RNF183: variants seen among roughly 807,000 people sequenced by gnomAD.
RNF183 encodes E3 ubiquitin-protein ligase RNF183.
A neutral mutation model predicts 9.0 loss-of-function variants in RNF183; 4 were observed. The observed-to-expected ratio is 0.44, with a 90% CI of 0.22 to 1.01. The LOEUF (loss-of-function observed/expected upper bound fraction) is 1.01. Among genes scored for constraint, RNF183 ranks in the 50% least tolerant of loss-of-function variants. The pLI is 0.25. For missense variants in RNF183, 227 were observed against 253.6 expected, an observed-to-expected ratio of 0.89 and a Z score of 0.71; for synonymous variants, 102 against 107.5, an observed-to-expected ratio of 0.95 and a Z score of 0.32.
rs1233712941 is a variant in RNF183 at position 113,298,013 on chromosome 9, G to A, written c.172C>T (p.Leu58Phe). 1.2e-6 allele frequency: 2 copies of A among 1,614,076 alleles called. No homozygotes were observed. The highest frequency in any genetic ancestry group is 2.2e-5 in the East Asian group (1 of 44,862). Residue 58 changes from leucine (L) to phenylalanine (F), a missense_variant, in exon 5 of 5, where the codon CTC becomes TTC. Physicochemically the swap from Leu to Phe is conservative, Grantham distance 22 (BLOSUM62 0). Transcript: ENST00000489339. The surrounding 1 kb of genome is among the most constrained non-coding windows in gnomAD (Gnocchi z 4.9). Reference sequence around the variant, plus strand: ...GCCAGCACTGTGGGCTGGCGACAGAGTGGGCACAGCAGGCGGCGCCGGGCT... The same window carrying A: ...GCCAGCACTGTGGGCTGGCGACAGAATGGGCACAGCAGGCGGCGCCGGGCT... ...TPARRRLLCPLCRQPTVLASG... is the reference protein window; with the variant it reads ...TPARRRLLCPFCRQPTVLASG...
intron 3 of RNF183, 67 bp from the exon 4 acceptor site, chr9:113,299,842 A>G (rs374215738): frequency 3.2e-4 from 48 of 152,368 alleles, no homozygotes; most frequent in African/African-American, 1.1e-3. Context: ...GATGAGAGAC[A>G]AGAAGTGACT....
intron 1 of RNF183, 89 bp downstream of exon 1, chr9:113,302,967 G>C (rs913516141): frequency 6.6e-6 from 1 of 152,294 alleles, no homozygotes; most frequent in Non-Finnish European, 1.5e-5. Context: ...CCAGGCCAGA[G>C]TTCACCTGTC....
Position 113,298,008 on chromosome 9 carries a change from A to G in RNF183, c.177T>C (p.Cys59=), listed in dbSNP as rs185398156. ...PARRRLLCPL[C]RQPTVLASGQ... ...CTGAGGCCAGCACTGTGGGCTGGCG[A>G]CAGAGTGGGCACAGCAGGCGGCGCC... Residue 59 remains cysteine, a synonymous_variant, in exon 5 of 5, where the codon TGT becomes TGC. Transcript: ENST00000489339. The surrounding 1 kb of genome is among the most constrained non-coding windows in gnomAD (Gnocchi z 4.9). The G allele has an allele frequency of 7.8e-5, 126 of 1,613,952 alleles. No homozygotes were observed. The East Asian group carries it at 2.6e-3, about 33-fold the overall frequency.
Position 113,297,518 on chromosome 9 carries a change from C to A in RNF183, c.*88G>T. On this transcript the variant is annotated 3_prime_UTR_variant, in exon 5 of 5. Transcript: ENST00000489339. ...CTGGATTGTAAAATAAACAACACTA[C>A]AAAGGAAGACAATACCAAATGAGGC... 1.2e-6 allele frequency: 1 copy of A among 845,592 alleles called. No homozygotes were observed. The highest frequency in any genetic ancestry group is 1.9e-6 in the Non-Finnish European group (1 of 534,126). 52.4% of individuals were successfully genotyped at this position (845,592 alleles called of 1,614,324 possible).
In RNF183 at chr9:113,301,687, G is replaced by T. The variant is rs1463479115; in HGVS notation, c.-257C>A. 2.0e-5 allele frequency: 3 copies of T among 152,166 alleles called. No individual in the cohort carries two copies. The highest frequency in any genetic ancestry group is 4.4e-5 in the Non-Finnish European group (3 of 68,038). The allele number at this position is 152,166 out of a possible 1,614,324, so 9.4% of individuals were successfully genotyped here. On this transcript the variant is annotated 5_prime_UTR_variant, in exon 3 of 5. Transcript: ENST00000489339. Reference sequence around the variant, plus strand: ...TAATACTTACCAGAGGCCGTAAACTGTATGTAACCTTGACTCATCATTTCC... The same window carrying T: ...TAATACTTACCAGAGGCCGTAAACTTTATGTAACCTTGACTCATCATTTCC...
At chr9:113,299,973 A>C (rs1191261203) in intron 3 of RNF183, among the ~76,000 whole-genome samples, 198 bp from the exon 4 acceptor site, 3 of 152,174 alleles carry the variant, frequency 2.0e-5, no homozygotes, top group Admixed American at 6.5e-5. Flanking sequence ...GTTACTAGCT[A>C]GATAATAAGT....
intron 1 of RNF183, among the ~76,000 whole-genome samples, 193 bp downstream of exon 1, chr9:113,302,863 G>A (rs1016528708): frequency 1.3e-5 from 2 of 152,178 alleles, no homozygotes; most frequent in Admixed American, 1.3e-4. Flanking sequence ...TTCTAGATGG[G>A]GAAGCCAAGG....
At position 113,298,549 on chromosome 9, in the gene RNF183, C is replaced by T. The variant is rs1221711148; in HGVS notation, c.-37-328G>A. On this transcript the variant is annotated intron_variant, in intron 4 of 4. Transcript: ENST00000489339. The surrounding 1 kb of genome is among the most constrained non-coding windows in gnomAD (Gnocchi z 4.9). Reference sequence around the variant, plus strand: ...GTCTGTGCCCTTGGCTGCCCTGAATCCAGGGAGCTGGGGGTAAGCTGCAGT... The same window carrying T: ...GTCTGTGCCCTTGGCTGCCCTGAATTCAGGGAGCTGGGGGTAAGCTGCAGT... The T allele has an allele frequency of 3.3e-5, 8 of 244,758 alleles. No homozygotes were observed. Among genetic ancestry groups the T allele is most frequent in the Non-Finnish European group, 2.4e-5 (3 of 127,318 alleles). The allele number at this position is 244,758 out of a possible 1,614,324, so 15.2% of individuals were successfully genotyped here.
chr9:113,299,519 T>TCA (rs573265674), intron 4 of RNF183, 53 bp downstream of exon 4: 1 of 152,214 alleles, frequency 6.6e-6, no homozygotes, highest in Non-Finnish European at 1.5e-5. Flanking sequence ...TTCAGTCCAG[T>TCA]CACCCGCTGA....
At chr9:113,299,348 T>C (rs2296073) in intron 4 of RNF183, 63,329 of 152,122 alleles carry the variant, frequency 0.42, 14,516 homozygotes, top group African/African-American at 0.61. Context: ...TTTGTAGATG[T>C]GAAGAGGGTA....
At chr9:113,301,366 T>C (rs115066353) in intron 3 of RNF183, among the ~76,000 whole-genome samples, 1,879 of 152,312 alleles carry the variant, frequency 0.012, 38 homozygotes, top group African/African-American at 0.042. Flanking sequence ...TACAGCTTAT[T>C]ATGTTCTGAA....
Position 113,297,502 on chromosome 9 carries a change from A to G in RNF183, c.*104T>C. 1 of 749,614 alleles carries G rather than the reference A, an allele frequency of 1.3e-6. No homozygotes were observed. The highest frequency in any genetic ancestry group is 2.2e-6 in the Non-Finnish European group (1 of 462,650). 46.4% of individuals were successfully genotyped at this position (749,614 alleles called of 1,614,324 possible). A position where few individuals can be genotyped will look rare whatever the true frequency, so the allele number is the denominator to read the frequency against. ...ATGGCCTGAACAATCCCTGGATTGT[A>G]AAATAAACAACACTACAAAGGAAGA... On this transcript the variant is annotated 3_prime_UTR_variant, in exon 5 of 5. Transcript: ENST00000489339.
At chr9:113,300,245 G>C (rs1434307462) in intron 3 of RNF183, among the ~76,000 whole-genome samples, 1 of 152,200 alleles carries the variant, frequency 6.6e-6, no homozygotes, top group Non-Finnish European at 1.5e-5. Flanking sequence ...AGCCCTAAGC[G>C]AAACTAGGGT....
In RNF183 at chr9:113,300,895, G is replaced by A. The variant is rs150963461; in HGVS notation, c.-242+777C>T. ...GGATAAGATCGGGAAGGGAACACCC[G>A]TTCGGGCTGCAGCAGTGTGGCTCAG... On this transcript the variant is annotated intron_variant, in intron 3 of 4. Coordinates refer to ENST00000489339, the MANE Select transcript of RNF183 (RefSeq NM_001371237.1). 1.2e-3 allele frequency among the ~76,000 whole-genome samples: 182 copies of A among 152,302 alleles called. 1 individual carries two copies. In the East Asian group the frequency reaches 0.024, roughly 20 times the overall value.
intron 1 of RNF183, among the ~76,000 whole-genome samples, chr9:113,302,527 A>T (rs1000564960): frequency 6.6e-6 from 1 of 152,202 alleles, no homozygotes; most frequent in African/African-American, 2.4e-5. Flanking sequence ...GCCCTTGCTA[A>T]GATCTAAGTG....
At position 113,303,179 on chromosome 9, in the gene RNF183, A is replaced by G. The variant is rs1456537235; in HGVS notation, c.-564T>C. 1 of 153,154 alleles carries G rather than the reference A, an allele frequency of 6.5e-6. No homozygotes were observed. Among genetic ancestry groups the G allele is most frequent in the East Asian group, 1.9e-4 (1 of 5,218 alleles). The allele number at this position is 153,154 out of a possible 1,614,324, so 9.5% of individuals were successfully genotyped here. A position where few individuals can be genotyped will look rare whatever the true frequency, so the allele number is the denominator to read the frequency against. On this transcript the variant is annotated 5_prime_UTR_variant, in exon 1 of 5. Coordinates refer to ENST00000489339, the MANE Select transcript of RNF183 (RefSeq NM_001371237.1). ...GGTGGGTCTTATTTGCATAGGTCTT[A>G]GCAGCGTTTGGCCAGCTCTCGCTGT... is the stretch of plus-strand genomic sequence containing the variant.
Position 113,297,536 on chromosome 9 carries a change from A to C in RNF183, c.*70T>G. The C allele has an allele frequency of 9.7e-7, 1 of 1,027,346 alleles. No individual in the cohort carries two copies. The highest frequency in any genetic ancestry group is 1.4e-6 in the Non-Finnish European group (1 of 691,360). The allele number at this position is 1,027,346 out of a possible 1,614,324, so 63.6% of individuals were successfully genotyped here. A position where few individuals can be genotyped will look rare whatever the true frequency, so the allele number is the denominator to read the frequency against. On this transcript the variant is annotated 3_prime_UTR_variant, in exon 5 of 5. Transcript: ENST00000489339. ...AACACTACAAAGGAAGACAATACCA[A>C]ATGAGGCTCCGTAGTCACCATACCC... is the stretch of plus-strand genomic sequence containing the variant.
At position 113,299,743 on chromosome 9, in the gene RNF183, T is replaced by A. The variant is rs1728747124; in HGVS notation, c.-209A>T. ...ACTTGGCTTTTCTCTGTTTCTCATA[T>A]GGGTCATTCGAATAATTTGAAGAGT... On this transcript the variant is annotated 5_prime_UTR_variant, in exon 4 of 5. Transcript: ENST00000489339. 6.6e-6 allele frequency: 1 copy of A among 152,194 alleles called. No homozygotes were observed. The highest frequency in any genetic ancestry group is 1.5e-5 in the Non-Finnish European group (1 of 68,044). The allele number at this position is 152,194 out of a possible 1,614,324, so 9.4% of individuals were successfully genotyped here. A position where few individuals can be genotyped will look rare whatever the true frequency, so the allele number is the denominator to read the frequency against.
chr9:113,300,718 T>C (rs1435578570), intron 3 of RNF183, among the ~76,000 whole-genome samples: 2 of 151,818 alleles, frequency 1.3e-5, no homozygotes, highest in Non-Finnish European at 2.9e-5. Context: ...GTGACCGGAG[T>C]AGGCAAGGTG....
Sources: allele counts gnomAD v4.1 joint callset (sites outside exome capture counted in the v4.1 genomes callset), GRCh38; gene constraint gnomAD v4.1.1; non-coding constraint Gnocchi (gnomAD v3.1); transcripts MANE v1.5; gene names NCBI Gene and HGNC (gene_info 2026-07-23, HGNC 2026-07-21).